Variants in OR56A3 observed in about 807,000 individuals in gnomAD.
The protein encoded by OR56A3 is olfactory receptor 56A3.
OR56A3 carries 23 observed loss-of-function variants against 17.5 expected under a neutral mutation model. The ratio of observed to expected loss-of-function variants is 1.32; its 90% CI spans 0.95 to 1.87. The LOEUF (loss-of-function observed/expected upper bound fraction) is 1.87, where lower values mean the gene tolerates loss of function less well. OR56A3 is among the 40% of genes most tolerant of loss of function. OR56A3 has a pLI of 0.00. For synonymous variants in OR56A3, 175 were observed against 150.6 expected (o/e 1.16, Z -1.19); for missense variants, 366 against 380.1 (o/e 0.96, Z 0.31).
At chr11:6,003,816 G>A in the OR56A3 span, among the ~76,000 whole-genome samples, 2 of 152,158 alleles carry the variant, frequency 1.3e-5, no homozygotes, top group Non-Finnish European at 2.9e-5. Context: ...AGAAGTCAGA[G>A]AGTGAGTTTT....
chr11:5,985,528 C>T, the OR56A3 span, among the ~76,000 whole-genome samples: 1 of 152,134 alleles, frequency 6.6e-6, no homozygotes, highest in Admixed American at 6.5e-5. Flanking sequence ...CTGGGGATCC[C>T]AGCACTAACT....
chr11:6,002,629 C>G, the OR56A3 span: 4 of 1,614,192 alleles, frequency 2.5e-6, no homozygotes, highest in South Asian at 4.4e-5. Context: ...CGGTCATAGG[C>G]CATGACCATG....
At chr11:5,986,326 A>G in the OR56A3 span, 8 of 1,613,594 alleles carry the variant, frequency 5.0e-6, no homozygotes, top group South Asian at 7.7e-5. Flanking sequence ...AAGTTTCACA[A>G]CAGCCATATG....
the OR56A3 span, among the ~76,000 whole-genome samples, chr11:5,993,282 G>A: frequency 6.6e-6 from 1 of 152,158 alleles, no homozygotes; most frequent in South Asian, 2.1e-4. Context: ...TTTAAGCAGA[G>A]GATTGAGACA....
At chr11:5,981,710 G>A in the OR56A3 span, among the ~76,000 whole-genome samples, 1 of 152,154 alleles carries the variant, frequency 6.6e-6, no homozygotes, top group African/African-American at 2.4e-5. Flanking sequence ...GAACTAGGTG[G>A]TCTTTTGGAG....
the OR56A3 span, among the ~76,000 whole-genome samples, chr11:6,003,702 A>AT: frequency 3.3e-5 from 5 of 152,004 alleles, no homozygotes; most frequent in East Asian, 5.8e-4. Flanking sequence ...CCTGAAATCC[A>AT]TTTTTTTTCC....
the OR56A3 span, among the ~76,000 whole-genome samples, chr11:6,017,838 A>T: frequency 2.0e-5 from 3 of 152,202 alleles, no homozygotes; most frequent in African/African-American, 7.2e-5. Flanking sequence ...CCTATACAAT[A>T]AATATAGACT....
At chr11:5,954,978 T>G (rs1465709199), downstream of OR56A3, among the ~76,000 whole-genome samples, 1 of 152,250 alleles carries the variant, frequency 6.6e-6, no homozygotes, top group African/African-American at 2.4e-5. Context: ...GGGTACCATT[T>G]AGTCTTTGAA....
the OR56A3 span, among the ~76,000 whole-genome samples, chr11:5,985,147 A>T: frequency 6.6e-6 from 1 of 152,154 alleles, no homozygotes; most frequent in Non-Finnish European, 1.5e-5. Context: ...CAACACCGGG[A>T]TCTAGCACAT....
At chr11:5,955,457 C>T (rs530417951), downstream of OR56A3, among the ~76,000 whole-genome samples, 12 of 152,174 alleles carry the variant, frequency 7.9e-5, no homozygotes, top group Middle Eastern at 3.4e-3. Flanking sequence ...GGGCATAAGG[C>T]AGAATGAGAG....
chr11:5,951,864 T>G (rs1317412387), downstream of OR56A3, among the ~76,000 whole-genome samples: 1 of 152,108 alleles, frequency 6.6e-6, no homozygotes, highest in East Asian at 1.9e-4. Context: ...AATAAATAGG[T>G]AATCAAAAAG....
At chr11:6,001,664 A>G in the OR56A3 span, 1 of 161,378 alleles carries the variant, frequency 6.2e-6, no homozygotes, top group South Asian at 1.9e-4. Flanking sequence ...AGAGACAGGG[A>G]AGGAATCAGT....
At chr11:5,993,780 G>A in the OR56A3 span, 97 of 252,782 alleles carry the variant, frequency 3.8e-4, no homozygotes, top group African/African-American at 2.1e-3. Flanking sequence ...CATATCTAAA[G>A]TATTATCACT....
chr11:6,003,321 C>T, the OR56A3 span: 118,050 of 485,108 alleles, frequency 0.24, 16,095 homozygotes, highest in Admixed American at 0.34. Context: ...TCTACCACCA[C>T]GCAGTTTAAA....
the OR56A3 span, among the ~76,000 whole-genome samples, chr11:5,990,357 G>T: frequency 6.6e-6 from 1 of 152,200 alleles, no homozygotes; most frequent in African/African-American, 2.4e-5. Context: ...TCTTTTGAGG[G>T]TGTCACTGAT....
rs1364426780 is a variant in OR56A3 at position 5,947,597 on chromosome 11, AG to A, written c.253del (p.Val85SerfsTer2). 1 of 1,614,002 alleles carries A rather than the reference AG, an allele frequency of 6.2e-7. No homozygotes were observed. The highest frequency in any genetic ancestry group is 1.3e-5 in the African/African-American group (1 of 74,900). On this transcript the variant is annotated frameshift_variant, in exon 3 of 3. Coordinates refer to ENST00000641160, the MANE Select transcript of OR56A3 (RefSeq NM_001003443.3). LOFTEE classifies it high-confidence loss of function. The part of the protein sequence containing the change: ...DIVLCLTVIP[K>X]VLTIFWFDLR... ...GTGCTCTGCCTCACTGTCATCCCCAAGGTCCTGACCATCTTCTGGTTTGACC... is the reference window on the plus strand; with the variant it reads ...GTGCTCTGCCTCACTGTCATCCCCAAGTCCTGACCATCTTCTGGTTTGACC...
chr11:6,016,758 A>C, the OR56A3 span, among the ~76,000 whole-genome samples: 103,283 of 147,570 alleles, frequency 0.7, 36,365 homozygotes, highest in East Asian at 0.94. Context: ...TAAATAATAC[A>C]AAAAAAAACC....
At chr11:5,964,279 A>T in the OR56A3 span, among the ~76,000 whole-genome samples, 2 of 152,166 alleles carry the variant, frequency 1.3e-5, no homozygotes, top group East Asian at 3.8e-4. Context: ...TGCTTCCCAG[A>T]TTGCTCTTGA....
the OR56A3 span, among the ~76,000 whole-genome samples, chr11:5,973,581 G>A: frequency 6.6e-6 from 1 of 152,056 alleles, no homozygotes; most frequent in African/African-American, 2.4e-5. Context: ...GGGGGTTTGT[G>A]ATTATGAAGT....
Sources: allele counts gnomAD v4.1 joint callset (sites outside exome capture counted in the v4.1 genomes callset), GRCh38; gene constraint gnomAD v4.1.1; transcripts MANE v1.5; gene names NCBI Gene and HGNC (gene_info 2026-07-23, HGNC 2026-07-21).